Variants in SLC44A2 observed in about 807,000 individuals in gnomAD.
The protein encoded by SLC44A2 is choline transporter-like protein 2.
A neutral mutation model predicts 90.8 loss-of-function variants in SLC44A2; 57 were observed. The observed-to-expected ratio is 0.63, with a 90% CI of 0.51 to 0.78. SLC44A2 has a LOEUF of 0.78. SLC44A2 is among the 30% of genes least tolerant of loss of function. The pLI is 0.00. For missense variants in SLC44A2, 794 were observed against 919.7 expected, an observed-to-expected ratio of 0.86 and a Z score of 1.77; for synonymous variants, 355 against 360.7, an observed-to-expected ratio of 0.98 and a Z score of 0.18.
Position 10,631,876 on chromosome 19 carries a change from A to T in SLC44A2, c.635A>T (p.Asn212Ile). The T allele has an allele frequency of 6.2e-7, 1 of 1,614,210 alleles. No homozygotes were observed. The highest frequency in any genetic ancestry group is 8.5e-7 in the Non-Finnish European group (1 of 1,180,038). Residue 212 changes from asparagine to isoleucine, a missense_variant, in exon 9 of 22, where the codon AAT (asparagine) becomes ATT (isoleucine). Asn to Ile is a moderately radical substitution (Grantham distance 149). Around this residue, in one of 3 missense-constraint regions of SLC44A2, gnomAD observed 738 missense variants for 841.1 expected, o/e 0.88. Transcript: ENST00000335757. ...TGTCCTCCTTCCCCCAGGAAAGCCA[A>T]TGGAGTCCTAGAGGCGCGGCAACTC... ...TDLVEGAKKANGVLEARQLAM... is the reference protein window; with the variant it reads ...TDLVEGAKKAIGVLEARQLAM...
In SLC44A2 at chr19:10,631,735, G is replaced by A. The variant is rs1321204840; in HGVS notation, c.612G>A (p.Leu204=). ...GCTCCCGGAAAAACATCACAGACCT[G>A]GTGGAGGGCGCCAAGTGAGGATATT... ...GHGSRKNITD[L]VEGAKKANGV... is the part of the protein sequence containing the mutation. Residue 204 remains leucine, a synonymous_variant, in exon 8 of 22, where the codon CTG becomes CTA. Transcript: ENST00000335757. The A allele has an allele frequency of 1.9e-6, 3 of 1,613,386 alleles. No homozygotes were observed. The highest frequency in any genetic ancestry group is 8.5e-7 in the Non-Finnish European group (1 of 1,180,042).
intron 16 of SLC44A2, 146 bp downstream of exon 16, chr19:10,636,902 G>C: frequency 1.2e-6 from 1 of 854,182 alleles, no homozygotes; most frequent in Non-Finnish European, 1.8e-6. Context: ...GAGTTCAGGA[G>C]TTGGCGTGAT....
chr19:10,631,554 G>A lies in SLC44A2; in HGVS notation c.502+19G>A. 6.2e-7 allele frequency: 1 copy of A among 1,614,026 alleles called. No homozygotes were observed. The highest frequency in any genetic ancestry group is 8.5e-7 in the Non-Finnish European group (1 of 1,180,022). The stretch of plus-strand genomic sequence containing the variant: ...AAACCCTGTGAGTCAGGGGATCCCA[G>A]GAGGCTCAGGTGGTGACGGGGAGGC... On this transcript the variant is annotated intron_variant, in intron 7 of 21. Transcript: ENST00000335757.
intron 20 of SLC44A2, chr19:10,641,318 T>G (rs1400400354): frequency 2.5e-5 from 10 of 398,930 alleles, no homozygotes; most frequent in African/African-American, 4.4e-5. Flanking sequence ...CACTTGAGCC[T>G]GGGAGGTCAA....
At chr19:10,607,890 C>T (rs55852604) in intron 1 of SLC44A2, among the ~76,000 whole-genome samples, 9,785 of 150,146 alleles carry the variant, frequency 0.065, 369 homozygotes, top group Middle Eastern at 0.13. Context: ...GGACTACAGG[C>T]GCCCGCCACT....
At chr19:10,613,866 A>T (rs1034350201) in intron 1 of SLC44A2, among the ~76,000 whole-genome samples, 41 of 152,110 alleles carry the variant, frequency 2.7e-4, no homozygotes, top group African/African-American at 9.9e-4. Context: ...TCTCCGAAAG[A>T]AACAGCCCTG....
At chr19:10,634,542 G>A (rs1844215976) in intron 10 of SLC44A2, among the ~76,000 whole-genome samples, 1 of 152,090 alleles carries the variant, frequency 6.6e-6, no homozygotes, top group South Asian at 2.1e-4. Flanking sequence ...AAGGGTTCTG[G>A]AAGTTCTCTT....
chr19:10,641,436 G>C (rs765360639), intron 20 of SLC44A2: 1 of 439,558 alleles, frequency 2.3e-6, no homozygotes, highest in South Asian at 1.6e-5. Flanking sequence ...GGTGTCGTAG[G>C]TGGTTTCCTG....
intron 1 of SLC44A2, among the ~76,000 whole-genome samples, chr19:10,625,952 T>C (rs981543022): frequency 2.0e-5 from 3 of 152,006 alleles, no homozygotes; most frequent in Non-Finnish European, 4.4e-5. Flanking sequence ...CCTCAGATCT[T>C]CCCCATCTCC....
rs779967607 is a variant in SLC44A2 at position 10,637,717 on chromosome 19, C to T, written c.1665C>T (p.Ile555=). The change falls in exon 17 of 22, where the codon ATC becomes ATT. Residue 555 remains isoleucine, a synonymous_variant. Transcript: ENST00000335757. ...GCTTCTGGTGCCTGGAGAAGTTCAT[C>T]AAATTCCTTAATAGGAATGCCTACA... The part of the protein sequence containing the change: ...KCCFWCLEKF[I]KFLNRNAYIM... The T allele has an allele frequency of 2.5e-6, 4 of 1,614,136 alleles. No individual in the cohort carries two copies. Among genetic ancestry groups the T allele is most frequent in the Non-Finnish European group, 3.4e-6 (4 of 1,180,012 alleles).
At chr19:10,602,876 C>T (rs555792715) in intron 1 of SLC44A2, among the ~76,000 whole-genome samples, 3 of 152,288 alleles carry the variant, frequency 2.0e-5, no homozygotes, top group Non-Finnish European at 4.4e-5. Context: ...GCGATCTGGG[C>T]TCGGAAAAGA....
Position 10,618,774 on chromosome 19 carries a change from G to A in SLC44A2, c.32-7479G>A, listed in dbSNP as rs1407321188. Among the ~76,000 whole-genome samples the A allele has an allele frequency of 2.0e-5, 3 of 151,160 alleles. No homozygotes were observed. In the South Asian group the frequency reaches 6.3e-4, roughly 32 times the overall value. ...ATTTTAGTAGAGGCAGGGTTTCGCC[G>A]TGTTGCCCAGGCTGGTCTCAAACTC... On this transcript the variant is annotated intron_variant, in intron 1 of 21. Transcript: ENST00000407327.
chr19:10,624,448 C>A (rs1329969560), upstream of SLC44A2, among the ~76,000 whole-genome samples: 7 of 152,264 alleles, frequency 4.6e-5, no homozygotes, highest in Admixed American at 3.9e-4. Context: ...GGATTACAGG[C>A]ATGTGCCACC....
intron 1 of SLC44A2, among the ~76,000 whole-genome samples, chr19:10,603,397 C>T (rs976231957): frequency 2.0e-5 from 3 of 152,150 alleles, no homozygotes; most frequent in East Asian, 1.9e-4. Flanking sequence ...CCCAGCCCCA[C>T]GTGATACTAC....
intron 2 of SLC44A2, among the ~76,000 whole-genome samples, chr19:10,627,204 C>T (rs1485697436): frequency 2.0e-5 from 3 of 149,500 alleles, no homozygotes; most frequent in Admixed American, 6.7e-5. Context: ...ACCTATAATC[C>T]CAGCTACTTG....
rs1360981606 is a variant in SLC44A2, at chr19:10,644,514, G to C, written c.*1129G>C. ...CCATTGCGTCTGCACACCCCTGCGT[G>C]TAACTGCATTCCAACCACTAATAAA... is the stretch of plus-strand genomic sequence containing the variant. On this transcript the variant is annotated 3_prime_UTR_variant, in exon 22 of 22. Coordinates refer to ENST00000335757, the MANE Select transcript of SLC44A2 (RefSeq NM_020428.4). 2 of 152,544 alleles carry C rather than the reference G, an allele frequency of 1.3e-5. No homozygotes were observed. Among genetic ancestry groups the C allele is most frequent in the Admixed American group, 6.5e-5 (1 of 15,286 alleles). The allele number at this position is 152,544 out of a possible 1,614,324, so 9.4% of individuals were successfully genotyped here. A position where few individuals can be genotyped will look rare whatever the true frequency, so the allele number is the denominator to read the frequency against.
rs1466602465 is a variant in SLC44A2, at chr19:10,606,909, C to CT, written c.31+4349dup. Among the ~76,000 whole-genome samples, 635 of 145,040 alleles carry CT rather than the reference C, an allele frequency of 4.4e-3. 10 individuals are homozygous for CT. Among genetic ancestry groups the CT allele is most frequent in the Non-Finnish European group, 7.5e-3 (495 of 65,654 alleles). On this transcript the variant is annotated intron_variant, in intron 1 of 21. Transcript: ENST00000407327. ...TGTATGAAAAGGTAGTTACTTACGGCTATTTTTTTTTTTTTTTTTTGAGAC... is the reference window on the plus strand; with the variant it reads ...TGTATGAAAAGGTAGTTACTTACGGCTTATTTTTTTTTTTTTTTTTTGAGAC...
At chr19:10,611,995 G>C (rs968191862) in intron 1 of SLC44A2, among the ~76,000 whole-genome samples, 2 of 152,112 alleles carry the variant, frequency 1.3e-5, no homozygotes, top group Non-Finnish European at 2.9e-5. Flanking sequence ...CACCTCAGAG[G>C]TAGCTCAGCC....
rs548568749 is a variant in SLC44A2 at position 10,643,081 on chromosome 19, G to C, written c.2015-198G>C. Reference sequence around the variant, plus strand: ...CATGTAGACTGGGGGTGCATGAAGCGGGGGGGTTCCTGGCCTGCGAGTGTG... The same window carrying C: ...CATGTAGACTGGGGGTGCATGAAGCCGGGGGGTTCCTGGCCTGCGAGTGTG... On this transcript the variant is annotated intron_variant, in intron 21 of 21. Coordinates refer to ENST00000335757, the MANE Select transcript of SLC44A2 (RefSeq NM_020428.4). The C allele has an allele frequency of 4.9e-5, 71 of 1,457,764 alleles. No homozygotes were observed. In the South Asian group the frequency reaches 8.1e-4, roughly 17 times the overall value. The allele number at this position is 1,457,764 out of a possible 1,614,324, so 90.3% of individuals were successfully genotyped here.
Sources: allele counts gnomAD v4.1 joint callset (sites outside exome capture counted in the v4.1 genomes callset), GRCh38; gene constraint gnomAD v4.1.1; regional missense constraint gnomAD v4.1.1; transcripts MANE v1.5; gene names NCBI Gene and HGNC (gene_info 2026-07-23, HGNC 2026-07-21).